Variants in CLNK observed in about 807,000 individuals in gnomAD.
CLNK encodes cytokine-dependent hematopoietic cell linker.
A neutral mutation model predicts 68.6 loss-of-function variants in CLNK; 74 were observed. The observed-to-expected ratio is 1.08, with a 90% confidence interval of 0.89 to 1.31. CLNK has a LOEUF of 1.31. CLNK is among the 50% of genes most tolerant of loss of function. The pLI, the probability that CLNK is intolerant of heterozygous loss-of-function variation, is 0.00. For synonymous variants in CLNK, 198 were observed against 172.2 expected (o/e 1.15, Z -1.17); for missense variants, 553 against 515.3 (o/e 1.07, Z -0.71).
intron 2 of CLNK, among the ~76,000 whole-genome samples, chr4:10,636,837 C>G (rs1723112328): frequency 6.6e-6 from 1 of 152,190 alleles, no homozygotes; most frequent in South Asian, 2.1e-4. Flanking sequence ...CCCACCAAAG[C>G]TTTTGTAGGG....
chr4:10,632,782 C>A (rs969194426), intron 2 of CLNK, among the ~76,000 whole-genome samples: 5 of 152,196 alleles, frequency 3.3e-5, no homozygotes, highest in Admixed American at 6.5e-5. Flanking sequence ...TCTCAATTTT[C>A]ATTTGCACAA....
upstream of CLNK, among the ~76,000 whole-genome samples, chr4:10,685,309 A>G (rs1725229441): frequency 6.6e-6 from 1 of 152,120 alleles, no homozygotes; most frequent in African/African-American, 2.4e-5. Flanking sequence ...TATTTTAGAA[A>G]CTTTTTTAAA....
intron 14 of CLNK, among the ~76,000 whole-genome samples, chr4:10,524,145 T>C (rs1718205331): frequency 6.6e-6 from 1 of 151,326 alleles, no homozygotes; most frequent in Admixed American, 6.6e-5. Flanking sequence ...GGGAAGAGTT[T>C]TGTATTTAAG....
At chr4:10,674,588 G>T (rs982690858) in intron 1 of CLNK, among the ~76,000 whole-genome samples, 1 of 152,156 alleles carries the variant, frequency 6.6e-6, no homozygotes, top group Non-Finnish European at 1.5e-5. Flanking sequence ...AGTGTGTGTT[G>T]TCTCCCTACG....
Position 10,487,622 on chromosome 4 carries a change from C to CT in CLNK, c.*2844dup, listed in dbSNP as rs937912346. On this transcript the variant is annotated 3_prime_UTR_variant, in exon 19 of 19. Transcript: ENST00000226951. ...TGGATTGGCCACAGCATTTGCAGGT[C>CT]TTTTTTTTTTGTTGTTTTTCTTTTT... 5.6e-4 allele frequency: 83 copies of CT among 148,046 alleles called. No individual in the cohort carries two copies. The highest frequency in any genetic ancestry group is 1.1e-3 in the South Asian group (5 of 4,606). The allele number at this position is 148,046 out of a possible 1,614,324, so 9.2% of individuals were successfully genotyped here. A position where few individuals can be genotyped will look rare whatever the true frequency, so the allele number is the denominator to read the frequency against.
intron 4 of CLNK, among the ~76,000 whole-genome samples, chr4:10,580,515 G>A (rs906995297): frequency 4.6e-5 from 7 of 152,240 alleles, no homozygotes; most frequent in African/African-American, 1.4e-4. Context: ...TGCCCCTGAA[G>A]ACCTTCTAGT....
At chr4:10,699,347 C>CACACACCACATACGTGTGTGTAT in the CLNK span, among the ~76,000 whole-genome samples, 2 of 145,708 alleles carry the variant, frequency 1.4e-5, no homozygotes, top group South Asian at 4.3e-4. Context: ...TGTGTATACA[C>CACACACCACATACGTGTGTGTAT]ACACACACAC....
intron 3 of CLNK, among the ~76,000 whole-genome samples, chr4:10,595,253 A>G (rs1478396281): frequency 6.6e-6 from 1 of 152,196 alleles, no homozygotes; most frequent in African/African-American, 2.4e-5. Context: ...TGGGAATACG[A>G]ATGCCTACTT....
At chr4:10,530,300 GA>G (rs1386538046) in intron 12 of CLNK, among the ~76,000 whole-genome samples, 1 of 152,040 alleles carries the variant, frequency 6.6e-6, no homozygotes. Flanking sequence ...TCCTTTCTGT[GA>G]AAACTATAAA....
chr4:10,649,197 T>TA (rs1253797286), intron 2 of CLNK, among the ~76,000 whole-genome samples: 1 of 152,116 alleles, frequency 6.6e-6, no homozygotes, highest in East Asian at 1.9e-4. Flanking sequence ...TTTATTAAAA[T>TA]AAAAAAATTG....
At chr4:10,519,108 G>A (rs115504776) in intron 15 of CLNK, among the ~76,000 whole-genome samples, 2,032 of 152,208 alleles carry the variant, frequency 0.013, 24 homozygotes, top group South Asian at 0.028. Context: ...AGGAACTAAT[G>A]AAGCCTCAAA....
At chr4:10,556,446 T>C (rs550181702) in intron 8 of CLNK, among the ~76,000 whole-genome samples, 80 of 152,296 alleles carry the variant, frequency 5.3e-4, no homozygotes, top group African/African-American at 1.8e-3. Context: ...AGGCAAAGGG[T>C]AGATAAACAT....
Position 10,490,507 on chromosome 4 carries a change from G to C in CLNK, c.1247C>G (p.Thr416Ser), listed in dbSNP as rs1206999324. 1.2e-6 allele frequency: 2 copies of C among 1,612,982 alleles called. No individual in the cohort carries two copies. Among genetic ancestry groups the C allele is most frequent in the Non-Finnish European group, 1.7e-6 (2 of 1,179,596 alleles). The change falls in exon 19 of 19, where the codon ACT becomes AGT. Residue 416 changes from threonine (T) to serine (S), a missense_variant. Coordinates refer to ENST00000226951, the MANE Select transcript of CLNK (RefSeq NM_052964.4). ...GTGTCTGGTGAGAGGGAGTGGCTGA[G>C]TGAGGTGACACTGTTTCCTGTGGAC... is the stretch of plus-strand genomic sequence containing the variant. Reference protein sequence around the residue: ...TGVHRKQCHLTQPLPLTRHLL... With the variant: ...TGVHRKQCHLSQPLPLTRHLL...
At chr4:10,524,424 G>A (rs1718217984) in intron 14 of CLNK, among the ~76,000 whole-genome samples, 1 of 152,208 alleles carries the variant, frequency 6.6e-6, no homozygotes, top group Admixed American at 6.5e-5. Context: ...GGTCGCCCAA[G>A]TCACATGGTT....
At chr4:10,532,881 T>G (rs1718603158) in intron 11 of CLNK, among the ~76,000 whole-genome samples, 1 of 152,236 alleles carries the variant, frequency 6.6e-6, no homozygotes. Context: ...AATTAACTTC[T>G]CTAAACCTCA....
At chr4:10,631,981 G>C (rs1452693060) in intron 2 of CLNK, among the ~76,000 whole-genome samples, 1 of 152,188 alleles carries the variant, frequency 6.6e-6, no homozygotes, top group Non-Finnish European at 1.5e-5. Flanking sequence ...CGCATTACCT[G>C]ATTTACAGAT....
chr4:10,693,066 A>G, the CLNK span, among the ~76,000 whole-genome samples: 3 of 152,184 alleles, frequency 2.0e-5, no homozygotes, highest in African/African-American at 7.2e-5. Flanking sequence ...GCTGGGGAAG[A>G]AGCACTGATT....
At chr4:10,634,228 G>A (rs528582377) in intron 2 of CLNK, among the ~76,000 whole-genome samples, 20 of 152,280 alleles carry the variant, frequency 1.3e-4, no homozygotes, top group Non-Finnish European at 2.4e-4. Flanking sequence ...GGGGAGGAAG[G>A]TTAAATATTT....
At chr4:10,496,906 A>G (rs1052291311) in intron 18 of CLNK, among the ~76,000 whole-genome samples, 17 of 152,248 alleles carry the variant, frequency 1.1e-4, no homozygotes, top group African/African-American at 4.1e-4. Context: ...TTGAGCCCCT[A>G]TGCCGGGGCC....
Sources: gnomAD v4.1 joint callset for allele counts (sites outside exome capture counted in the v4.1 genomes callset) on GRCh38, gnomAD v4.1.1 for gene constraint, MANE v1.5 for transcripts, NCBI Gene and HGNC (gene_info 2026-07-23, HGNC 2026-07-21) for gene names.